Variants in HEATR5A observed in about 807,000 individuals in gnomAD.
The protein encoded by HEATR5A is HEAT repeat-containing protein 5A.
A neutral mutation model predicts 218.8 loss-of-function variants in HEATR5A; 178 were observed. The ratio of observed to expected loss-of-function variants is 0.81; its 90% CI spans 0.72 to 0.92. The LOEUF (loss-of-function observed/expected upper bound fraction) is 0.92, where lower values mean the gene tolerates loss of function less well. Among genes scored for constraint, HEATR5A ranks in the 40% least tolerant of loss-of-function variants. The pLI, the probability that HEATR5A is intolerant of heterozygous loss-of-function variation, is 0.00. For missense variants in HEATR5A, 2,420 were observed against 2,418.9 expected (o/e 1.00, Z -0.01); for synonymous variants, 864 against 871.6 (o/e 0.99, Z 0.15).
Position 31,322,286 on chromosome 14 carries a change from C to T in HEATR5A, c.3788-606G>A, listed in dbSNP as rs932096081. Among the ~76,000 whole-genome samples, 11 of 152,144 alleles carry T rather than the reference C, an allele frequency of 7.2e-5. No individual in the cohort carries two copies. In the East Asian group the frequency reaches 9.6e-4, roughly 13 times the overall value. ...GAAAATCATTTAACAGAAGAAATCA[C>T]GTCTTAGTAAATGCCAACTACAACT... On this transcript the variant is annotated intron_variant, in intron 24 of 35. Coordinates refer to ENST00000543095, the MANE Select transcript of HEATR5A (RefSeq NM_015473.4).
At position 31,345,263 on chromosome 14, in the gene HEATR5A, T is replaced by C. The variant is rs539214747; in HGVS notation, c.2882A>G (p.His961Arg). The C allele has an allele frequency of 5.0e-6, 8 of 1,610,416 alleles. No individual in the cohort carries two copies. The Admixed American group carries it at 1.0e-4, about 20-fold the overall frequency. The change falls in exon 20 of 36, where the codon CAT (histidine) becomes CGT (arginine). Residue 961 changes from histidine to arginine, a missense_variant. Coordinates refer to ENST00000543095, the MANE Select transcript of HEATR5A (RefSeq NM_015473.4). ...TSPDVQTWAL[H>R]SLSLIIDSAG... ...AGAATCAATGATCAATGATAGAGAA[T>C]GTAATGCCCAGGTCTGTAATGACAA... is the stretch of plus-strand genomic sequence containing the variant.
At chr14:31,415,887 A>G (rs1157840918) in intron 1 of HEATR5A, among the ~76,000 whole-genome samples, 1 of 152,180 alleles carries the variant, frequency 6.6e-6, no homozygotes, top group East Asian at 1.9e-4. Context: ...GTTACTGAAA[A>G]AATACATTAC....
rs2030339248 is a variant in HEATR5A, at chr14:31,388,891, T to C, written c.887A>G (p.Lys296Arg). The change falls in exon 7 of 36, where the codon AAA becomes AGA. Residue 296 changes from lysine to arginine, a missense_variant. Physicochemically the swap from Lys to Arg is conservative, Grantham distance 26. Coordinates refer to ENST00000543095, the MANE Select transcript of HEATR5A (RefSeq NM_015473.4). The stretch of plus-strand genomic sequence containing the variant: ...ATCCCTACTGACTGAACTGGTTCCT[T>C]TCAGCATATCTCCACTGGCTCGAAG... ...GFLRASGDML[K>R]GTSSVSRDVR... The C allele has an allele frequency of 6.2e-7, 1 of 1,613,846 alleles. No individual in the cohort carries two copies. Among genetic ancestry groups the C allele is most frequent in the Admixed American group, 1.7e-5 (1 of 60,002 alleles).
At position 31,400,491 on chromosome 14, in the gene HEATR5A, T is replaced by C. The variant is rs542127017; in HGVS notation, c.148A>G (p.Lys50Glu). 12 of 1,535,110 alleles carry C rather than the reference T, an allele frequency of 7.8e-6. 1 individual carries two copies. In the South Asian group the frequency reaches 1.2e-4, roughly 15 times the overall value. ...TSRNDVREKQKTLVEQLLSLL... is the reference protein window; with the variant it reads ...TSRNDVREKQETLVEQLLSLL... Reference sequence around the variant, plus strand: ...GACAGGAGCTGTTCAACAAGAGTCTTCTGTTTCTCCCTTACATCATTCTAG... The same window carrying C: ...GACAGGAGCTGTTCAACAAGAGTCTCCTGTTTCTCCCTTACATCATTCTAG... The change falls in exon 3 of 36, where the codon AAG becomes GAG. Residue 50 changes from lysine to glutamate, a missense_variant. Lys to Glu is a moderately conservative substitution (Grantham distance 56). Transcript: ENST00000543095.
At chr14:31,364,780 T>A (rs1288514824) in intron 13 of HEATR5A, among the ~76,000 whole-genome samples, 1 of 152,126 alleles carries the variant, frequency 6.6e-6, no homozygotes, top group Non-Finnish European at 1.5e-5. Flanking sequence ...CTCTTCTTTA[T>A]CTTCTGTTCA....
rs1196426083 is a variant in HEATR5A at position 31,292,989 on chromosome 14, C to CTGTT, written c.*312_*315dup. On this transcript the variant is annotated 3_prime_UTR_variant, in exon 36 of 36. Coordinates refer to ENST00000543095, the MANE Select transcript of HEATR5A (RefSeq NM_015473.4). ...ATTAAGTATACCACATATGTATGGA[C>CTGTT]TGTTAGAAGAAATTCATTTCATTTT... 14 of 248,670 alleles carry CTGTT rather than the reference C, an allele frequency of 5.6e-5. 1 individual carries two copies. The highest frequency in any genetic ancestry group is 9.1e-5 in the East Asian group (1 of 10,958). 15.4% of individuals were successfully genotyped at this position (248,670 alleles called of 1,614,324 possible).
At chr14:31,333,242 G>GT (rs1371146513) in intron 22 of HEATR5A, among the ~76,000 whole-genome samples, 1 of 151,974 alleles carries the variant, frequency 6.6e-6, no homozygotes, top group East Asian at 1.9e-4. Flanking sequence ...CAAAACAACA[G>GT]TTTTTCTTTT....
intron 11 of HEATR5A, among the ~76,000 whole-genome samples, chr14:31,379,131 A>T (rs1274996338): frequency 6.7e-6 from 1 of 150,370 alleles, no homozygotes; most frequent in African/African-American, 2.4e-5. Flanking sequence ...TTTTAGTAGA[A>T]GCAAGATTTC....
chr14:31,306,801 G>A lies in HEATR5A; in HGVS notation c.4897C>T (p.Leu1633Phe). 6.2e-7 allele frequency: 1 copy of A among 1,613,678 alleles called. No individual in the cohort carries two copies. The highest frequency in any genetic ancestry group is 8.5e-7 in the Non-Finnish European group (1 of 1,179,700). The change falls in exon 31 of 36, where the codon CTT (leucine) becomes TTT (phenylalanine). Residue 1633 changes from leucine to phenylalanine, a missense_variant. Physicochemically the swap from Leu to Phe is conservative, Grantham distance 22 (BLOSUM62 0). Coordinates refer to ENST00000543095, the MANE Select transcript of HEATR5A (RefSeq NM_015473.4). Reference protein sequence around the residue: ...RESPSIQLASLEVVRQIICAA... With the variant: ...RESPSIQLASFEVVRQIICAA... ...CAGATAATCTGCCTTACCACTTCAAGTGAAGCCAACTGAATGGAAGGTGAT... is the reference window on the plus strand; with the variant it reads ...CAGATAATCTGCCTTACCACTTCAAATGAAGCCAACTGAATGGAAGGTGAT...
rs889129550 is a variant in HEATR5A at position 31,371,880 on chromosome 14, C to T, written c.1891G>A (p.Asp631Asn). ...TGAGTTACTTCCTCAGTAAGAAGAT[C>T]ACCACAGTGGGAAACAAAGCTCTTG... ...AIKSFVSHCG[D>N]LLTEEVTQRL... is the part of the protein sequence containing the mutation. Residue 631 changes from aspartate (D) to asparagine (N), a missense_variant, in exon 13 of 36, where the codon GAT (aspartate) becomes AAT (asparagine). Physicochemically the swap from Asp to Asn is conservative, Grantham distance 23 (BLOSUM62 1). Coordinates refer to ENST00000543095, the MANE Select transcript of HEATR5A (RefSeq NM_015473.4). The T allele has an allele frequency of 9.2e-5, 142 of 1,548,410 alleles. No homozygotes were observed. The highest frequency in any genetic ancestry group is 1.2e-4 in the Non-Finnish European group (141 of 1,144,416).
chr14:31,302,699 T>A, intron 32 of HEATR5A, 180 bp from the exon 33 acceptor site: 1 of 564,278 alleles, frequency 1.8e-6, no homozygotes, highest in Non-Finnish European at 3.1e-6. Context: ...ATGGATGGAT[T>A]AAATCTTGAT....
chr14:31,415,369 T>A (rs1320875714), intron 1 of HEATR5A, among the ~76,000 whole-genome samples: 1 of 152,160 alleles, frequency 6.6e-6, no homozygotes, highest in Non-Finnish European at 1.5e-5. Context: ...TGGAATACAG[T>A]AAACATACCA....
In HEATR5A at chr14:31,337,625, C is replaced by G. The variant is rs1900710236; in HGVS notation, c.3229-11G>C. 1.3e-6 allele frequency: 2 copies of G among 1,595,802 alleles called. No homozygotes were observed. Among genetic ancestry groups the G allele is most frequent in the Non-Finnish European group, 1.7e-6 (2 of 1,170,294 alleles). ...GCTACAAAGATTCACCTGAAAAATA[C>G]CATTTGAGGAACGACAGAGCTAAAA... is the stretch of plus-strand genomic sequence containing the variant. On this transcript the variant is annotated splice_polypyrimidine_tract_variant and intron_variant, in intron 21 of 35. Coordinates refer to ENST00000543095, the MANE Select transcript of HEATR5A (RefSeq NM_015473.4).
chr14:31,417,671 AC>A (rs1477840138), intron 1 of HEATR5A, among the ~76,000 whole-genome samples: 1 of 151,416 alleles, frequency 6.6e-6, no homozygotes, highest in Non-Finnish European at 1.5e-5. Flanking sequence ...AATCGCTTGA[AC>A]CCAGGAGGCG....
chr14:31,393,177 G>A (rs2030518234), intron 6 of HEATR5A, among the ~76,000 whole-genome samples: 2 of 151,996 alleles, frequency 1.3e-5, no homozygotes, highest in Admixed American at 1.3e-4. Context: ...ATCGTTTATT[G>A]GATAACACTT....
chr14:31,344,138 T>A (rs549985713), intron 20 of HEATR5A, 73 bp from the exon 21 acceptor site: 1 of 884,276 alleles, frequency 1.1e-6, no homozygotes, highest in African/African-American at 1.7e-5. Context: ...TATTACAGGT[T>A]TTAAAATTTA....
rs549007243 is a variant in HEATR5A, at chr14:31,369,891, G to A, written c.1961+1919C>T. 3.8e-4 allele frequency among the ~76,000 whole-genome samples: 54 copies of A among 143,640 alleles called. 1 individual carries two copies. In the East Asian group the frequency reaches 0.01, roughly 27 times the overall value. 94.2% of individuals were successfully genotyped at this position (143,640 alleles called of 152,430 possible). ...GGAGGTTGCTGTGACCGGAGATCGCGCCACTGCACTCCAGCCTGGGTGACA... is the reference window on the plus strand; with the variant it reads ...GGAGGTTGCTGTGACCGGAGATCGCACCACTGCACTCCAGCCTGGGTGACA... On this transcript the variant is annotated intron_variant, in intron 13 of 35. Transcript: ENST00000543095.
intron 23 of HEATR5A, among the ~76,000 whole-genome samples, chr14:31,324,194 T>C (rs745948767): frequency 3.3e-5 from 5 of 151,654 alleles, no homozygotes; most frequent in South Asian, 2.1e-4. Flanking sequence ...GTGGGATACA[T>C]TGGGAAGGCT....
intron 22 of HEATR5A, among the ~76,000 whole-genome samples, chr14:31,329,655 T>G (rs1900396136): frequency 6.6e-6 from 1 of 152,178 alleles, no homozygotes. Context: ...ATGTGGCTTT[T>G]TCAGGCGCAC....
Sources: allele counts gnomAD v4.1 joint callset (sites outside exome capture counted in the v4.1 genomes callset), GRCh38; gene constraint gnomAD v4.1.1; transcripts MANE v1.5; gene names NCBI Gene and HGNC (gene_info 2026-07-23, HGNC 2026-07-21).